The following CNTNAP2 variants were observed in gnomAD, a reference collection of about 807,000 sequenced individuals.
CNTNAP2 encodes the protein contactin associated protein 2, also known as contactin-associated protein-like 2.
In CNTNAP2, 98 loss-of-function variants were observed where a neutral mutation model predicts 155.2. The ratio of observed to expected loss-of-function variants is 0.63; its 90% CI spans 0.54 to 0.75. The LOEUF is 0.75. Ranked by LOEUF, CNTNAP2 falls within the 30% of genes least tolerant of loss-of-function variation. The probability of loss-of-function intolerance (pLI) is 0.00; values close to 1 mark genes in which losing one functional copy is unlikely to be tolerated. For missense variants in CNTNAP2, 1,727 were observed against 1,688.1 expected, an observed-to-expected ratio of 1.02 and a Z score of -0.40; for synonymous variants, 651 against 631.2, an observed-to-expected ratio of 1.03 and a Z score of -0.47.
rs143469720 is a variant in CNTNAP2 at position 148,031,214 on chromosome 7, G to A, written c.2383+53225G>A. Among the ~76,000 whole-genome samples the A allele has an allele frequency of 2.0e-3, 300 of 152,234 alleles. 2 individuals are homozygous for A. Among genetic ancestry groups the A allele is most frequent in the African/African-American group, 6.9e-3 (286 of 41,534 alleles). ...TTGATAACAACATTTCAAAGGGATAGCTCCCGGGTCCTTAAGAAAAACACT... is the reference window on the plus strand; with the variant it reads ...TTGATAACAACATTTCAAAGGGATAACTCCCGGGTCCTTAAGAAAAACACT... On this transcript the variant is annotated intron_variant, in intron 15 of 23. Coordinates refer to ENST00000361727, the MANE Select transcript of CNTNAP2 (RefSeq NM_014141.6).
chr7:147,480,737 T>C (rs1798407164), intron 10 of CNTNAP2, among the ~76,000 whole-genome samples: 1 of 152,126 alleles, frequency 6.6e-6, no homozygotes. Context: ...GGGCTGTTTC[T>C]CCTCCTACTC....
intron 14 of CNTNAP2, 113 bp downstream of exon 14, chr7:147,903,834 G>A: frequency 1.5e-6 from 2 of 1,344,802 alleles, no homozygotes; most frequent in East Asian, 2.5e-5. Flanking sequence ...TAATAGGGTA[G>A]AAAGGTCTGG....
rs542965523 is a variant in CNTNAP2 at position 147,937,857 on chromosome 7, C to T, written c.2255+34136C>T. Among the ~76,000 whole-genome samples, 24 of 152,202 alleles carry T rather than the reference C, an allele frequency of 1.6e-4. No individual in the cohort carries two copies. The South Asian group carries it at 5.0e-3, about 32-fold the overall frequency. On this transcript the variant is annotated intron_variant, in intron 14 of 23. Transcript: ENST00000361727. Reference sequence around the variant, plus strand: ...TAAGAAGCATTTTGAATTGGAGACTCAAATTGCTCTTTAGATCATACTATA... The same window carrying T: ...TAAGAAGCATTTTGAATTGGAGACTTAAATTGCTCTTTAGATCATACTATA...
chr7:147,678,207 T>A (rs553548814), intron 13 of CNTNAP2, among the ~76,000 whole-genome samples: 19 of 151,940 alleles, frequency 1.3e-4, no homozygotes, highest in Non-Finnish European at 2.1e-4. Flanking sequence ...TCATCAATAC[T>A]CAGCTATCCA....
intron 1 of CNTNAP2, among the ~76,000 whole-genome samples, chr7:146,483,832 T>C (rs1173382930): frequency 6.6e-6 from 1 of 152,140 alleles, no homozygotes; most frequent in Non-Finnish European, 1.5e-5. Flanking sequence ...TTCATAAAGT[T>C]ACCGTAAGCT....
At chr7:148,280,219 A>G (rs557162269) in intron 21 of CNTNAP2, among the ~76,000 whole-genome samples, 57 of 152,102 alleles carry the variant, frequency 3.7e-4, no homozygotes, top group African/African-American at 1.4e-3. Flanking sequence ...GAGGCAGGAG[A>G]ATTGCTTGAG....
At chr7:146,557,303 T>C (rs1005995630) in intron 1 of CNTNAP2, among the ~76,000 whole-genome samples, 3 of 152,000 alleles carry the variant, frequency 2.0e-5, no homozygotes, top group African/African-American at 7.3e-5. Context: ...ATGTACTATA[T>C]TGTTACCCTC....
intron 10 of CNTNAP2, among the ~76,000 whole-genome samples, chr7:147,465,874 G>T (rs7779766): frequency 0.78 from 119,041 of 152,058 alleles, 46,980 homozygotes; most frequent in African/African-American, 0.88. Context: ...CAAACCTTAT[G>T]GTATCTTCTG....
At chr7:147,970,957 G>GAC (rs1263963415) in intron 14 of CNTNAP2, among the ~76,000 whole-genome samples, 1 of 152,186 alleles carries the variant, frequency 6.6e-6, no homozygotes, top group East Asian at 1.9e-4. Context: ...GTTAATGAAT[G>GAC]TCTATATAGA....
In CNTNAP2 at chr7:147,890,150, C is replaced by G. The variant is rs116859516; in HGVS notation, c.2099-13415C>G. ...AAATCACGAGGTCAGGAATTCAAGACCAGCCTGACCAATGTGGTGAAACCC... is the reference window on the plus strand; with the variant it reads ...AAATCACGAGGTCAGGAATTCAAGAGCAGCCTGACCAATGTGGTGAAACCC... On this transcript the variant is annotated intron_variant, in intron 13 of 23. Coordinates refer to ENST00000361727, the MANE Select transcript of CNTNAP2 (RefSeq NM_014141.6). Among the ~76,000 whole-genome samples the G allele has an allele frequency of 0.018, 2,807 of 152,252 alleles. 144 individuals are homozygous for G. The East Asian group carries it at 0.19, about 11-fold the overall frequency.
At chr7:148,316,200 A>T (rs559288141) in intron 21 of CNTNAP2, among the ~76,000 whole-genome samples, 2 of 152,160 alleles carry the variant, frequency 1.3e-5, no homozygotes, top group Non-Finnish European at 2.9e-5. Flanking sequence ...AGCTGGCTTC[A>T]TGGGGGGAGG....
intron 10 of CNTNAP2, among the ~76,000 whole-genome samples, chr7:147,470,421 G>A (rs1301550881): frequency 6.6e-6 from 1 of 152,066 alleles, no homozygotes; most frequent in African/African-American, 2.4e-5. Flanking sequence ...AATAGCAGTA[G>A]AGATGGTAGC....
At chr7:146,219,183 T>A (rs1232221475) in intron 1 of CNTNAP2, among the ~76,000 whole-genome samples, 1 of 152,090 alleles carries the variant, frequency 6.6e-6, no homozygotes, top group South Asian at 2.1e-4. Context: ...AACAGCATGA[T>A]CATAAATCAC....
intron 3 of CNTNAP2, among the ~76,000 whole-genome samples, chr7:146,849,794 T>C (rs1249024169): frequency 1.3e-5 from 2 of 152,194 alleles, no homozygotes; most frequent in Non-Finnish European, 2.9e-5. Flanking sequence ...TCAAATACTA[T>C]ATTCAAAGTG....
At chr7:148,268,247 C>CT (rs1796709870) in intron 21 of CNTNAP2, among the ~76,000 whole-genome samples, 2 of 152,104 alleles carry the variant, frequency 1.3e-5, no homozygotes, top group African/African-American at 4.8e-5. Flanking sequence ...AGGGAGGTCA[C>CT]TCGGCGGCCA....
At chr7:147,125,918 A>G (rs1190408536) in intron 6 of CNTNAP2, among the ~76,000 whole-genome samples, 3 of 152,192 alleles carry the variant, frequency 2.0e-5, no homozygotes, top group Non-Finnish European at 4.4e-5. Context: ...CTGCTCCACG[A>G]TCTTCAAGAT....
intron 9 of CNTNAP2, among the ~76,000 whole-genome samples, chr7:147,384,684 G>A (rs1796597812): frequency 6.6e-6 from 1 of 152,166 alleles, no homozygotes; most frequent in Non-Finnish European, 1.5e-5. Context: ...TGGAATAAAT[G>A]TAATCCAAAT....
At chr7:147,468,844 T>C (rs75476094) in intron 10 of CNTNAP2, among the ~76,000 whole-genome samples, 36 of 10,266 alleles carry the variant, frequency 3.5e-3, no homozygotes, top group African/African-American at 0.014. Context: ...TCTTCTTCTT[T>C]TTTTTTTTTC....
rs183506942 is a variant in CNTNAP2, at chr7:147,861,778, G to A, written c.2099-41787G>A. Among the ~76,000 whole-genome samples the A allele has an allele frequency of 5.1e-3, 780 of 152,202 alleles. 9 individuals are homozygous for A. The highest frequency in any genetic ancestry group is 8.0e-3 in the Non-Finnish European group (542 of 67,992). On this transcript the variant is annotated intron_variant, in intron 13 of 23. Coordinates refer to ENST00000361727, the MANE Select transcript of CNTNAP2 (RefSeq NM_014141.6). The stretch of plus-strand genomic sequence containing the variant: ...TGGCTGTAATCCCAGCACTTTGGGA[G>A]GCTGAGGCATGAGGATCGCTTGAGG...
Sources: gnomAD v4.1 joint callset for allele counts (sites outside exome capture counted in the v4.1 genomes callset) on GRCh38, gnomAD v4.1.1 for gene constraint, MANE v1.5 for transcripts, NCBI Gene and HGNC (gene_info 2026-07-23, HGNC 2026-07-21) for gene names.